The following CMTM8 variants were observed in gnomAD, a reference collection of about 807,000 sequenced individuals.
CMTM8 encodes CKLF-like MARVEL transmembrane domain-containing protein 8.
A neutral mutation model predicts 18.6 loss-of-function variants in CMTM8; 12 were observed. The observed-to-expected ratio is 0.65, with a 90% CI of 0.41 to 1.05. The LOEUF (loss-of-function observed/expected upper bound fraction) is 1.05, where lower values mean the gene tolerates loss of function less well. Ranked by LOEUF, CMTM8 falls within the 50% of genes least tolerant of loss-of-function variation. The pLI is 0.00. For synonymous variants in CMTM8, 87 were observed against 90.6 expected, an observed-to-expected ratio of 0.96 and a Z score of 0.23; for missense variants, 217 against 227.2, an observed-to-expected ratio of 0.95 and a Z score of 0.29.
intron 1 of CMTM8, among the ~76,000 whole-genome samples, chr3:32,267,191 C>T (rs1702362512): frequency 6.6e-6 from 1 of 152,220 alleles, no homozygotes; most frequent in Admixed American, 6.5e-5. Flanking sequence ...CACTACCTGA[C>T]TTCAAGCTAT....
At chr3:32,361,192 G>A (rs7428390) in intron 2 of CMTM8, among the ~76,000 whole-genome samples, 139,059 of 152,116 alleles carry the variant, frequency 0.91, 64,105 homozygotes, top group Non-Finnish European at 0.97. Context: ...TGTTGGTCAG[G>A]CTGGTCTCAA....
intron 1 of CMTM8, among the ~76,000 whole-genome samples, chr3:32,352,467 G>A (rs1223324391): frequency 6.6e-6 from 1 of 152,204 alleles, no homozygotes; most frequent in African/African-American, 2.4e-5. Context: ...GCAAGCGGTA[G>A]GCCTAGCCAT....
intron 1 of CMTM8, among the ~76,000 whole-genome samples, chr3:32,297,480 T>TAATTAAAAACTCTATATAAATATTTGA (rs1702902088): frequency 6.7e-6 from 1 of 148,464 alleles, no homozygotes; most frequent in Non-Finnish European, 1.5e-5. Context: ...GTGCCTGGCC[T>TAATTAAAAACTCTATATAAATATTTGA]GTACCTAAAC....
chr3:32,238,998 C>G lies in CMTM8; in HGVS notation c.26C>G (p.Ser9Trp). 1.3e-6 allele frequency: 2 copies of G among 1,555,170 alleles called. No homozygotes were observed. The highest frequency in any genetic ancestry group is 1.4e-5 in the African/African-American group (1 of 73,170). ...ATGGAGGAGCCGCAGCGCGCCCGCT[C>G]GCACACAGTCACCACCACCGCCAGC... is the stretch of plus-strand genomic sequence containing the variant. Reference protein sequence around the residue: MEEPQRARSHTVTTTASSF... With the variant: MEEPQRARWHTVTTTASSF... Residue 9 changes from serine to tryptophan, a missense_variant, in exon 1 of 4, where the codon TCG becomes TGG. Transcript: ENST00000307526.
At chr3:32,266,413 G>T (rs1702344866) in intron 1 of CMTM8, among the ~76,000 whole-genome samples, 1 of 152,160 alleles carries the variant, frequency 6.6e-6, no homozygotes, top group South Asian at 2.1e-4. Flanking sequence ...AGCCCTTCAT[G>T]CTAAAAACTC....
At chr3:32,312,632 G>C (rs1278074947) in intron 1 of CMTM8, among the ~76,000 whole-genome samples, 4 of 152,064 alleles carry the variant, frequency 2.6e-5, no homozygotes. Flanking sequence ...TTCTTATGGA[G>C]GCTGCATGAC....
chr3:32,267,704 T>C (rs1702369734), intron 1 of CMTM8, among the ~76,000 whole-genome samples: 1 of 152,122 alleles, frequency 6.6e-6, no homozygotes, highest in Non-Finnish European at 1.5e-5. Flanking sequence ...TCTGCTCACC[T>C]AACAAAGGGC....
chr3:32,308,904 G>C (rs1479524727), intron 1 of CMTM8, among the ~76,000 whole-genome samples: 1 of 152,146 alleles, frequency 6.6e-6, no homozygotes, highest in Non-Finnish European at 1.5e-5. Flanking sequence ...CATTAGAGAT[G>C]CTCCTTCCTA....
At chr3:32,310,462 T>C (rs1316766541) in intron 1 of CMTM8, among the ~76,000 whole-genome samples, 1 of 152,190 alleles carries the variant, frequency 6.6e-6, no homozygotes, top group Non-Finnish European at 1.5e-5. Flanking sequence ...TCCTTGCCAA[T>C]GAGGGGTGCC....
chr3:32,308,135 G>T (rs1282273376), intron 1 of CMTM8, among the ~76,000 whole-genome samples: 1 of 152,086 alleles, frequency 6.6e-6, no homozygotes, highest in African/African-American at 2.4e-5. Flanking sequence ...ATCCTTTCAG[G>T]ATGAAAGAGT....
intron 1 of CMTM8, among the ~76,000 whole-genome samples, chr3:32,356,241 A>T (rs1696811860): frequency 6.6e-6 from 1 of 152,178 alleles, no homozygotes; most frequent in African/African-American, 2.4e-5. Context: ...CCAGAAATGA[A>T]ATTCTTTGTC....
At chr3:32,281,877 AT>A (rs1193604212) in intron 1 of CMTM8, among the ~76,000 whole-genome samples, 3 of 151,460 alleles carry the variant, frequency 2.0e-5, no homozygotes, top group Non-Finnish European at 4.4e-5. Context: ...CACTGTCCTA[AT>A]TTTTTTTTCT....
intron 1 of CMTM8, among the ~76,000 whole-genome samples, chr3:32,280,179 C>A (rs919519327): frequency 6.6e-6 from 1 of 152,048 alleles, no homozygotes; most frequent in African/African-American, 2.4e-5. Flanking sequence ...TGTGGCCAGG[C>A]ATAAGTGAGG....
rs918887292 is a variant in CMTM8, at chr3:32,370,168, A to C, written c.*201A>C. 1.3e-5 allele frequency: 4 copies of C among 313,534 alleles called. No individual in the cohort carries two copies. In the Admixed American group the frequency reaches 1.8e-4, roughly 14 times the overall value. The allele number at this position is 313,534 out of a possible 1,614,324, so 19.4% of individuals were successfully genotyped here. A position where few individuals can be genotyped will look rare whatever the true frequency, so the allele number is the denominator to read the frequency against. On this transcript the variant is annotated 3_prime_UTR_variant, in exon 4 of 4. Coordinates refer to ENST00000307526, the MANE Select transcript of CMTM8 (RefSeq NM_178868.5). ...GTGTTGTAGCTTATAATGAACTCTT[A>C]AGTATCTTATTAATGTATTAATGTC...
intron 1 of CMTM8, among the ~76,000 whole-genome samples, chr3:32,316,152 C>T (rs1013301762): frequency 1.3e-5 from 2 of 151,286 alleles, no homozygotes; most frequent in South Asian, 2.1e-4. Context: ...CTCAGCCTCC[C>T]GAGTAGCTGG....
At chr3:32,279,892 C>T (rs1321372010) in intron 1 of CMTM8, among the ~76,000 whole-genome samples, 1 of 148,528 alleles carries the variant, frequency 6.7e-6, no homozygotes, top group African/African-American at 2.5e-5. Flanking sequence ...GAGATGATAT[C>T]TCATAGTGGT....
At chr3:32,361,286 G>GTTTTTTTTTTTTTTTTTGTT (rs58364646) in intron 2 of CMTM8, among the ~76,000 whole-genome samples, 5 of 87,264 alleles carry the variant, frequency 5.7e-5, no homozygotes, top group Admixed American at 5.0e-4. Context: ...CAGCCTAAGA[G>GTTTTTTTTTTTTTTTTTGTT]TTTTTTTTTC....
At chr3:32,287,182 G>A (rs1422202764) in intron 1 of CMTM8, among the ~76,000 whole-genome samples, 1 of 152,126 alleles carries the variant, frequency 6.6e-6, no homozygotes, top group African/African-American at 2.4e-5. Context: ...AAGGTGTCTG[G>A]CACTTACCCA....
Position 32,238,909 on chromosome 3 carries a change from C to T in CMTM8, c.-64C>T, listed in dbSNP as rs956850143. ...CGCCTGTGTCCCCAGGGCGCAGGGC[C>T]GCGCGTCCAGCCCCAGACCCGCCGG... is the stretch of plus-strand genomic sequence containing the variant. On this transcript the variant is annotated 5_prime_UTR_variant, in exon 1 of 4. Coordinates refer to ENST00000307526, the MANE Select transcript of CMTM8 (RefSeq NM_178868.5). The T allele has an allele frequency of 2.5e-5, 36 of 1,460,254 alleles. No individual in the cohort carries two copies. Among genetic ancestry groups the T allele is most frequent in the Non-Finnish European group, 3.1e-5 (34 of 1,099,716 alleles). The allele number at this position is 1,460,254 out of a possible 1,614,324, so 90.5% of individuals were successfully genotyped here.
Sources: allele counts gnomAD v4.1 joint callset (sites outside exome capture counted in the v4.1 genomes callset), GRCh38; gene constraint gnomAD v4.1.1; transcripts MANE v1.5; gene names NCBI Gene and HGNC (gene_info 2026-07-23, HGNC 2026-07-21).